Variants in INTS11 observed in about 807,000 individuals in gnomAD.
The protein encoded by INTS11 is CPSF3-like protein.
INTS11 carries 77 observed loss-of-function variants against 78.6 expected under a neutral mutation model. That is an observed-to-expected ratio of 0.98 (90% CI 0.81 to 1.18). The LOEUF (loss-of-function observed/expected upper bound fraction) is 1.18, where lower values mean the gene tolerates loss of function less well. Among genes scored for constraint, INTS11 ranks in the 50% most tolerant of loss-of-function variants. The pLI is 0.00. For synonymous variants in INTS11, 441 were observed against 326.9 expected (o/e 1.35, Z -3.77); for missense variants, 875 against 825.9 (o/e 1.06, Z -0.73).
intron 1 of INTS11, chr1:1,321,954 C>G: frequency 1.7e-6 from 2 of 1,170,186 alleles, no homozygotes; most frequent in Non-Finnish European, 2.2e-6. Context: ...CACCACACAT[C>G]AGGATGACGG....
At chr1:1,322,506 G>A (rs1230562774) in intron 1 of INTS11, among the ~76,000 whole-genome samples, 2 of 121,968 alleles carry the variant, frequency 1.6e-5, no homozygotes, top group Non-Finnish European at 3.4e-5. Context: ...ACCATGACAG[G>A]AGACTGCTCC....
chr1:1,316,789 TG>T (rs1411901987), intron 4 of INTS11: 1 of 150,922 alleles, frequency 6.6e-6, no homozygotes, highest in African/African-American at 2.4e-5. Flanking sequence ...CCGGATGTGG[TG>T]GTGTGCGCCT....
chr1:1,312,256 G>C lies in INTS11; in HGVS notation c.1577C>G (p.Thr526Arg). ...HLHDTRKEQETALRVYSHLKS... is the reference protein window; with the variant it reads ...HLHDTRKEQERALRVYSHLKS... ...GAGGTGGCTGTAGACGCGCAATGCC[G>C]TCTCCTGCTCCTTGCGTGTGTCATG... The change falls in exon 15 of 17, where the codon ACG becomes AGG. Residue 526 changes from threonine (T) to arginine (R), a missense_variant. Coordinates refer to ENST00000435064, the MANE Select transcript of INTS11 (RefSeq NM_017871.6). The C allele has an allele frequency of 1.3e-6, 2 of 1,539,258 alleles. No individual in the cohort carries two copies. Among genetic ancestry groups the C allele is most frequent in the South Asian group, 1.2e-5 (1 of 83,986 alleles).
In INTS11 at chr1:1,321,017, C is replaced by T; in HGVS notation, c.105G>A (p.Met35Ile). The T allele has an allele frequency of 6.2e-7, 1 of 1,613,170 alleles. No homozygotes were observed. Among genetic ancestry groups the T allele is most frequent in the Non-Finnish European group, 8.5e-7 (1 of 1,179,936 alleles). ...AGKNVMLDCGMHMGFNDDRRF... is the reference protein window; with the variant it reads ...AGKNVMLDCGIHMGFNDDRRF... Reference sequence around the variant, plus strand: ...TCACGTCGTCATTGAAGCCCATGTGCATTCCACAGTCCAGCATGACATTCT... The same window carrying T: ...TCACGTCGTCATTGAAGCCCATGTGTATTCCACAGTCCAGCATGACATTCT... Residue 35 changes from methionine (M) to isoleucine (I), a missense_variant, in exon 2 of 17, where the codon ATG becomes ATA. By Grantham distance (10) the Met-to-Ile change is conservative. Coordinates refer to ENST00000435064, the MANE Select transcript of INTS11 (RefSeq NM_017871.6).
intron 1 of INTS11, chr1:1,323,333 A>G (rs1441092592): frequency 3.9e-6 from 6 of 1,527,050 alleles, no homozygotes; most frequent in East Asian, 2.5e-5. Context: ...CACCAACACC[A>G]TGTCCCTCCA....
chr1:1,318,699 T>A (rs1642759621), intron 4 of INTS11: 1 of 464,686 alleles, frequency 2.2e-6, no homozygotes, highest in African/African-American at 2.0e-5. Context: ...ACATACTTCA[T>A]TTTGACAAGT....
chr1:1,323,063 G>A, intron 1 of INTS11: 2 of 1,468,304 alleles, frequency 1.4e-6, no homozygotes. Flanking sequence ...GAGAGCAGGG[G>A]AGGGCAGTGG....
At chr1:1,320,365 C>A (rs1435617511) in intron 3 of INTS11, 91 bp downstream of exon 3, 32 of 1,215,258 alleles carry the variant, frequency 2.6e-5, no homozygotes, top group Non-Finnish European at 3.5e-5. Flanking sequence ...ATGGCACAGG[C>A]CCCTTGCCAA....
chr1:1,319,165 G>A (rs779010322), intron 4 of INTS11, 131 bp downstream of exon 4: 9 of 881,294 alleles, frequency 1.0e-5, no homozygotes, highest in African/African-American at 1.6e-5. Flanking sequence ...CACGGTGCTG[G>A]ACGCAAGAGT....
intron 1 of INTS11, chr1:1,322,101 G>T: frequency 1.7e-6 from 1 of 573,424 alleles, no homozygotes; most frequent in Non-Finnish European, 2.7e-6. Context: ...CCTACCCCAA[G>T]CCACGCCAGG....
rs70949570 is a variant in INTS11 at position 1,312,198 on chromosome 1, TGG to T, written c.1607+26_1607+27del. ...GCCTGGCCTCCAGGGCCCAAGGGAG[TGG>T]GGGGGGGGCGGGGCCGGGCGCCCAC... On this transcript the variant is annotated intron_variant, in intron 15 of 16. Transcript: ENST00000435064. The T allele has an allele frequency of 4.3e-5, 47 of 1,080,864 alleles. 2 individuals carry two copies. The highest frequency in any genetic ancestry group is 7.2e-5 in the African/African-American group (3 of 41,802). 67.0% of individuals were successfully genotyped at this position (1,080,864 alleles called of 1,614,324 possible). A position where few individuals can be genotyped will look rare whatever the true frequency, so the allele number is the denominator to read the frequency against.
chr1:1,315,290 A>G (rs1642510282), intron 6 of INTS11, 114 bp downstream of exon 6: 11 of 1,312,644 alleles, frequency 8.4e-6, no homozygotes, highest in East Asian at 2.4e-5. Context: ...CAGGCCGCAC[A>G]GGACATGGGA....
At chr1:1,319,651 G>A (rs916133372) in intron 3 of INTS11, 127 bp from the exon 4 acceptor site, 15 of 641,174 alleles carry the variant, frequency 2.3e-5, no homozygotes, top group East Asian at 1.1e-4. Flanking sequence ...GAGTACCGAA[G>A]AGTCAGTAAT....
Position 1,319,459 on chromosome 1 carries a change from G to C in INTS11, c.266C>G (p.Pro89Arg), listed in dbSNP as rs1365633943. The part of the protein sequence containing the change: ...YFSEMVGYDG[P>R]IYMTHPTQAI... ...CTGGGTGGGGTGAGTCATGTAGATG[G>C]GCCCGTCGTAGCCCACCATCTCGCT... Residue 89 changes from proline (P) to arginine (R), a missense_variant, in exon 4 of 17, where the codon CCC (proline) becomes CGC (arginine). By Grantham distance (103) the Pro-to-Arg change is moderately radical. Coordinates refer to ENST00000435064, the MANE Select transcript of INTS11 (RefSeq NM_017871.6). 1.2e-6 allele frequency: 2 copies of C among 1,610,998 alleles called. No individual in the cohort carries two copies. The highest frequency in any genetic ancestry group is 1.7e-6 in the Non-Finnish European group (2 of 1,178,470).
At position 1,314,525 on chromosome 1, in the gene INTS11, A is replaced by G. The variant is rs1642453965; in HGVS notation, c.703-160T>C. ...CGTCCCAGCCGCTCTCCAGAGACAG[A>G]AGGGAGCCGTATGAGAGACAGGAGG... On this transcript the variant is annotated intron_variant, in intron 7 of 16. Coordinates refer to ENST00000435064, the MANE Select transcript of INTS11 (RefSeq NM_017871.6). This position sits in a 1 kb window ranked among gnomAD's most constrained non-coding sequence, Gnocchi z 4.2. The G allele has an allele frequency of 2.9e-6, 2 of 679,200 alleles. No individual in the cohort carries two copies. The highest frequency in any genetic ancestry group is 2.8e-5 in the East Asian group (1 of 36,360). 42.1% of individuals were successfully genotyped at this position (679,200 alleles called of 1,614,324 possible). A position where few individuals can be genotyped will look rare whatever the true frequency, so the allele number is the denominator to read the frequency against.
At chr1:1,322,899 G>A (rs1643044588) in intron 1 of INTS11, 5 of 1,267,472 alleles carry the variant, frequency 3.9e-6, no homozygotes, top group Non-Finnish European at 5.0e-6. Context: ...TACCTTGGCT[G>A]AGGTGACCTT....
chr1:1,322,892 C>T, intron 1 of INTS11: 1 of 1,244,400 alleles, frequency 8.0e-7, no homozygotes, highest in Middle Eastern at 3.2e-4. Context: ...TTGATGATAC[C>T]TTGGCTGAGG....
chr1:1,313,610 C>A lies in INTS11; in HGVS notation c.958-18G>T. ...AACACAACCTACAGGACACACAGGG[C>A]CAGGTGGGGGGTCAGGGCAGCAGAT... On this transcript the variant is annotated intron_variant, in intron 9 of 16. Transcript: ENST00000435064. 6.2e-7 allele frequency: 1 copy of A among 1,612,760 alleles called. No homozygotes were observed. The highest frequency in any genetic ancestry group is 8.5e-7 in the Non-Finnish European group (1 of 1,179,906).
Position 1,312,254 on chromosome 1 carries a change from C to T in INTS11, c.1579G>A (p.Ala527Thr), listed in dbSNP as rs1570702197. ...TTGAGGTGGCTGTAGACGCGCAATG[C>T]CGTCTCCTGCTCCTTGCGTGTGTCA... ...LHDTRKEQET[A>T]LRVYSHLKSV... Residue 527 changes from alanine (A) to threonine (T), a missense_variant, in exon 15 of 17, where the codon GCA (alanine) becomes ACA (threonine). By Grantham distance (58) the Ala-to-Thr change is moderately conservative. Coordinates refer to ENST00000435064, the MANE Select transcript of INTS11 (RefSeq NM_017871.6). 7.1e-6 allele frequency: 11 copies of T among 1,545,900 alleles called. No homozygotes were observed. Among genetic ancestry groups the T allele is most frequent in the Non-Finnish European group, 8.7e-6 (10 of 1,144,626 alleles).
Sources: allele counts gnomAD v4.1 joint callset (sites outside exome capture counted in the v4.1 genomes callset), GRCh38; gene constraint gnomAD v4.1.1; non-coding constraint Gnocchi (gnomAD v3.1); transcripts MANE v1.5; gene names NCBI Gene and HGNC (gene_info 2026-07-23, HGNC 2026-07-21).